The following ZDHHC13 variants were observed in gnomAD, a reference collection of about 807,000 sequenced individuals.
ZDHHC13 encodes palmitoyltransferase ZDHHC13.
A neutral mutation model predicts 86.0 loss-of-function variants in ZDHHC13; 85 were observed. That is an observed-to-expected ratio of 0.99 (90% CI 0.83 to 1.18). The LOEUF is 1.18. Among genes scored for constraint, ZDHHC13 ranks in the 50% most tolerant of loss-of-function variants. The pLI is 0.00. For missense variants in ZDHHC13, 711 were observed against 730.2 expected (o/e 0.97, Z 0.30); for synonymous variants, 263 against 246.4 (o/e 1.07, Z -0.63).
chr11:19,125,693 G>A (rs553317989), intron 1 of ZDHHC13, among the ~76,000 whole-genome samples: 6 of 152,272 alleles, frequency 3.9e-5, no homozygotes, highest in Admixed American at 2.0e-4. Flanking sequence ...AACAACCCAC[G>A]CAGACTGTTT....
chr11:19,169,334 C>T (rs1850156833), intron 14 of ZDHHC13: 1 of 985,208 alleles, frequency 1.0e-6, no homozygotes, highest in Admixed American at 6.2e-5. Context: ...TTAACTTGAA[C>T]CTTGATTGCT....
At chr11:19,157,407 A>G (rs777432204) in intron 9 of ZDHHC13, among the ~76,000 whole-genome samples, 1 of 152,234 alleles carries the variant, frequency 6.6e-6, no homozygotes, top group Non-Finnish European at 1.5e-5. Flanking sequence ...TGGCATAAGC[A>G]TGCCCTGCTT....
intron 5 of ZDHHC13, 29 bp from the exon 6 acceptor site, chr11:19,150,698 G>A (rs750293496): frequency 6.3e-7 from 1 of 1,583,582 alleles, no homozygotes; most frequent in Non-Finnish European, 8.6e-7. Flanking sequence ...TGTATTTACA[G>A]TTATGCTAAT....
chr11:19,137,632 C>T lies in ZDHHC13; in HGVS notation c.28-5346C>T, dbSNP rs373300124. 3.5e-4 allele frequency among the ~76,000 whole-genome samples: 54 copies of T among 152,248 alleles called. No homozygotes were observed. In the East Asian group the frequency reaches 5.8e-3, roughly 16 times the overall value. On this transcript the variant is annotated intron_variant, in intron 1 of 16. Coordinates refer to ENST00000446113, the MANE Select transcript of ZDHHC13 (RefSeq NM_019028.3). ...AATATACATTTATTTCAGCACCACACCACACCTATTCCAAAATTGACCACA... is the reference window on the plus strand; with the variant it reads ...AATATACATTTATTTCAGCACCACATCACACCTATTCCAAAATTGACCACA...
At chr11:19,152,375 A>G in intron 7 of ZDHHC13, 55 bp downstream of exon 7, 2 of 1,573,220 alleles carry the variant, frequency 1.3e-6, no homozygotes, top group Non-Finnish European at 1.7e-6. Flanking sequence ...TAGAAGATTG[A>G]TAAATTAACG....
At chr11:19,140,647 T>G (rs1044151229) in intron 1 of ZDHHC13, among the ~76,000 whole-genome samples, 1 of 151,920 alleles carries the variant, frequency 6.6e-6, no homozygotes, top group African/African-American at 2.4e-5. Flanking sequence ...TTCACAATAG[T>G]GAAGACTTGG....
In ZDHHC13 at chr11:19,150,647, T is replaced by C. The variant is rs201268167; in HGVS notation, c.520-80T>C. ...GAAATAATGGTAGTATTGAATGTAT[T>C]AAAGAGATATTTCTATTAAGAGAAC... is the stretch of plus-strand genomic sequence containing the variant. On this transcript the variant is annotated intron_variant, in intron 5 of 16. Coordinates refer to ENST00000446113, the MANE Select transcript of ZDHHC13 (RefSeq NM_019028.3). 1.8e-4 allele frequency: 222 copies of C among 1,216,932 alleles called. No individual in the cohort carries two copies. In the East Asian group the frequency reaches 5.1e-3, roughly 28 times the overall value. The allele number at this position is 1,216,932 out of a possible 1,614,324, so 75.4% of individuals were successfully genotyped here. A position where few individuals can be genotyped will look rare whatever the true frequency, so the allele number is the denominator to read the frequency against.
At chr11:19,173,632 T>A (rs1565045696) in intron 16 of ZDHHC13, among the ~76,000 whole-genome samples, 1 of 152,020 alleles carries the variant, frequency 6.6e-6, no homozygotes, top group African/African-American at 2.4e-5. Context: ...AGGAGAGAAA[T>A]TGACTTAACT....
chr11:19,162,074 T>C (rs1849927255), intron 10 of ZDHHC13, among the ~76,000 whole-genome samples: 1 of 152,138 alleles, frequency 6.6e-6, no homozygotes, highest in South Asian at 2.1e-4. Flanking sequence ...CTGTTTATCT[T>C]GGAGGTATGA....
intron 16 of ZDHHC13, among the ~76,000 whole-genome samples, chr11:19,174,526 A>ACAGCAAC (rs1171704526): frequency 6.6e-6 from 1 of 152,216 alleles, no homozygotes; most frequent in Non-Finnish European, 1.5e-5. Flanking sequence ...AATCTTCTAA[A>ACAGCAAC]CAGCAACGCA....
intron 11 of ZDHHC13, among the ~76,000 whole-genome samples, chr11:19,164,080 G>C (rs1186874120): frequency 6.6e-6 from 1 of 152,090 alleles, no homozygotes; most frequent in African/African-American, 2.4e-5. Flanking sequence ...GGAGTGGTGG[G>C]GTGGTATAAT....
chr11:19,125,560 A>C (rs765517940), intron 1 of ZDHHC13, among the ~76,000 whole-genome samples: 1 of 152,192 alleles, frequency 6.6e-6, no homozygotes, highest in Non-Finnish European at 1.5e-5. Context: ...GTTTCTCATA[A>C]ATTTAAATAT....
At chr11:19,158,717 C>T (rs1417641278) in intron 9 of ZDHHC13, among the ~76,000 whole-genome samples, 2 of 152,092 alleles carry the variant, frequency 1.3e-5, no homozygotes, top group African/African-American at 4.8e-5. Flanking sequence ...ACATACACTT[C>T]TTGAGAGTCG....
intron 1 of ZDHHC13, among the ~76,000 whole-genome samples, chr11:19,119,605 C>T (rs988275000): frequency 2.0e-5 from 3 of 152,122 alleles, no homozygotes; most frequent in Non-Finnish European, 4.4e-5. Context: ...CCTTTTCCAT[C>T]ATCAGCACTA....
At chr11:19,150,626 TA>T (rs1849581475) in intron 5 of ZDHHC13, 100 bp from the exon 6 acceptor site, 2 of 979,882 alleles carry the variant, frequency 2.0e-6, no homozygotes, top group Non-Finnish European at 3.1e-6. Context: ...TATGTAGAAA[TA>T]ATGGTAGTAT....
chr11:19,128,842 G>A (rs989346229), intron 1 of ZDHHC13, among the ~76,000 whole-genome samples: 2 of 152,114 alleles, frequency 1.3e-5, no homozygotes, highest in Non-Finnish European at 2.9e-5. Context: ...ATTTTCTAGG[G>A]ACAGTTATAT....
intron 8 of ZDHHC13, among the ~76,000 whole-genome samples, chr11:19,155,529 C>T (rs188529179): frequency 1.2e-4 from 18 of 145,418 alleles, no homozygotes; most frequent in African/African-American, 3.1e-4. Context: ...TGCAGTGAGC[C>T]GAGATCGCAC....
intron 14 of ZDHHC13, chr11:19,167,262 G>A (rs2133472092): frequency 1.3e-5 from 2 of 152,268 alleles, no homozygotes; most frequent in Middle Eastern, 3.4e-3. Context: ...TTTACCAGTA[G>A]GGTACTAGTT....
At chr11:19,165,490 G>A (rs1025560573) in intron 13 of ZDHHC13, among the ~76,000 whole-genome samples, 3 of 152,160 alleles carry the variant, frequency 2.0e-5, no homozygotes, top group African/African-American at 7.2e-5. Flanking sequence ...TCCTTCTGCC[G>A]GGTTTTGCTG....
Sources: allele counts gnomAD v4.1 joint callset (sites outside exome capture counted in the v4.1 genomes callset), GRCh38; gene constraint gnomAD v4.1.1; transcripts MANE v1.5; gene names NCBI Gene and HGNC (gene_info 2026-07-23, HGNC 2026-07-21).